The following ENTPD7 variants were observed in gnomAD, a reference collection of about 807,000 sequenced individuals.
ENTPD7 encodes ectonucleoside triphosphate diphosphohydrolase 7, also known as NTPDase 7.
Under a neutral mutation model 77.9 loss-of-function variants are expected in ENTPD7, and 53 were observed. The ratio of observed to expected loss-of-function variants is 0.68; its 90% CI spans 0.55 to 0.85. The LOEUF is 0.85. Ranked by LOEUF, ENTPD7 falls within the 40% of genes least tolerant of loss-of-function variation. ENTPD7 has a pLI of 0.00. For missense variants in ENTPD7, 636 were observed against 743.7 expected (o/e 0.86, Z 1.68); for synonymous variants, 248 against 274.9 (o/e 0.90, Z 0.97).
In ENTPD7 at chr10:99,709,228, ACT is replaced by A. The variant is rs1452288708; in HGVS notation, c.*4548_*4549del. 10 of 985,106 alleles carry A rather than the reference ACT, an allele frequency of 1.0e-5. No individual in the cohort carries two copies. In the African/African-American group the frequency reaches 1.6e-4, roughly 16 times the overall value. 61.0% of individuals were successfully genotyped at this position (985,106 alleles called of 1,614,324 possible). A position where few individuals can be genotyped will look rare whatever the true frequency, so the allele number is the denominator to read the frequency against. The stretch of plus-strand genomic sequence containing the variant: ...GTTGTAATTCTTGGGCAGTTTCCAG[ACT>A]CTGTTACAGAAACAGAGGGCTGTTT... On this transcript the variant is annotated 3_prime_UTR_variant, in exon 13 of 13. Coordinates refer to ENST00000370489, the MANE Select transcript of ENTPD7 (RefSeq NM_020354.5).
At chr10:99,673,309 A>C (rs1265021183) in intron 3 of ENTPD7, among the ~76,000 whole-genome samples, 1 of 152,184 alleles carries the variant, frequency 6.6e-6, no homozygotes, top group East Asian at 1.9e-4. Context: ...CATGGCTACA[A>C]ATTATATATG....
intron 8 of ENTPD7, among the ~76,000 whole-genome samples, chr10:99,694,765 G>A (rs1346178914): frequency 6.6e-6 from 1 of 152,050 alleles, no homozygotes; most frequent in Non-Finnish European, 1.5e-5. Context: ...TCGAACTCCT[G>A]GCCTCAAGTG....
intron 3 of ENTPD7, among the ~76,000 whole-genome samples, chr10:99,670,179 G>A (rs572579415): frequency 2.0e-5 from 3 of 152,022 alleles, no homozygotes; most frequent in South Asian, 4.2e-4. Context: ...AACAATTATC[G>A]AGTGTCTACA....
intron 3 of ENTPD7, among the ~76,000 whole-genome samples, chr10:99,673,968 A>G (rs567511716): frequency 4.9e-4 from 74 of 152,092 alleles, no homozygotes; most frequent in African/African-American, 1.7e-3. Context: ...AGGTAGAGCA[A>G]GCAAATATGA....
intron 9 of ENTPD7, chr10:99,697,559 G>T (rs189564354): frequency 2.3e-4 from 36 of 155,374 alleles, no homozygotes; most frequent in Admixed American, 1.9e-3. Context: ...GGCATATCTT[G>T]TGTAGCTGCC....
chr10:99,665,819 G>A (rs1302953605), intron 3 of ENTPD7, among the ~76,000 whole-genome samples: 1 of 152,128 alleles, frequency 6.6e-6, no homozygotes, highest in African/African-American at 2.4e-5. Context: ...GGGATTGCAG[G>A]CATGAGTACC....
At chr10:99,702,744 TTTC>T in intron 12 of ENTPD7, 71 bp downstream of exon 12, 7 of 1,419,354 alleles carry the variant, frequency 4.9e-6, no homozygotes, top group South Asian at 1.5e-5. Flanking sequence ...AATCGGTTTC[TTTC>T]TTTTTTTTTT....
chr10:99,702,980 T>C (rs1385016108), intron 12 of ENTPD7, among the ~76,000 whole-genome samples: 1 of 152,188 alleles, frequency 6.6e-6, no homozygotes, highest in Non-Finnish European at 1.5e-5. Flanking sequence ...ACTAATCACT[T>C]CCAAGATACT....
At chr10:99,666,884 CA>C (rs2133441846) in intron 3 of ENTPD7, among the ~76,000 whole-genome samples, 1 of 152,314 alleles carries the variant, frequency 6.6e-6, no homozygotes, top group South Asian at 2.1e-4. Context: ...GAATGTGCAT[CA>C]CTTTTGCACC....
chr10:99,701,785 C>T (rs2133518920), intron 11 of ENTPD7, among the ~76,000 whole-genome samples: 1 of 151,992 alleles, frequency 6.6e-6, no homozygotes, highest in East Asian at 1.9e-4. Context: ...TGGTGGCTCA[C>T]ACCTGTAATC....
chr10:99,665,463 G>A (rs769998615), intron 3 of ENTPD7, among the ~76,000 whole-genome samples: 1 of 151,994 alleles, frequency 6.6e-6, no homozygotes, highest in African/African-American at 2.4e-5. Flanking sequence ...TTTATTTCTG[G>A]ATTCTGTCCC....
chr10:99,666,928 T>C (rs574956711), intron 3 of ENTPD7, among the ~76,000 whole-genome samples: 1 of 152,336 alleles, frequency 6.6e-6, no homozygotes, highest in South Asian at 2.1e-4. Context: ...AGTTGTACCA[T>C]TGTAAGTCAA....
intron 3 of ENTPD7, among the ~76,000 whole-genome samples, chr10:99,666,251 A>G (rs1362100110): frequency 6.6e-6 from 1 of 151,798 alleles, no homozygotes; most frequent in Non-Finnish European, 1.5e-5. Flanking sequence ...TCTGTCACCC[A>G]GGCCGGAGTG....
At chr10:99,703,767 G>A (rs2036191317) in intron 12 of ENTPD7, among the ~76,000 whole-genome samples, 1 of 152,096 alleles carries the variant, frequency 6.6e-6, no homozygotes, top group Non-Finnish European at 1.5e-5. Flanking sequence ...CCCAGGCTGA[G>A]TGTGGTGGCA....
chr10:99,661,044 A>G (rs1301722270), intron 2 of ENTPD7, among the ~76,000 whole-genome samples: 1 of 152,178 alleles, frequency 6.6e-6, no homozygotes, highest in African/African-American at 2.4e-5. Flanking sequence ...GTCTTTTACT[A>G]TGTGCTTGTA....
At chr10:99,702,462 A>C in intron 11 of ENTPD7, 50 bp from the exon 12 acceptor site, 1 of 1,461,136 alleles carries the variant, frequency 6.8e-7, no homozygotes, top group Non-Finnish European at 9.1e-7. Flanking sequence ...AAAGGAAAGT[A>C]TTAGAATTCT....
At position 99,709,235 on chromosome 10, in the gene ENTPD7, T is replaced by G. The variant is rs2036311726; in HGVS notation, c.*4552T>G. On this transcript the variant is annotated 3_prime_UTR_variant, in exon 13 of 13. Transcript: ENST00000370489. ...TTCTTGGGCAGTTTCCAGACTCTGT[T>G]ACAGAAACAGAGGGCTGTTTCTTTT... 1 of 985,404 alleles carries G rather than the reference T, an allele frequency of 1.0e-6. No individual in the cohort carries two copies. The highest frequency in any genetic ancestry group is 1.2e-6 in the Non-Finnish European group (1 of 829,894). 61.0% of individuals were successfully genotyped at this position (985,404 alleles called of 1,614,324 possible).
At position 99,710,374 on chromosome 10, in the gene ENTPD7, T is replaced by C. The variant is rs1242816436; in HGVS notation, c.*5691T>C. 1 of 985,346 alleles carries C rather than the reference T, an allele frequency of 1.0e-6. No individual in the cohort carries two copies. Among genetic ancestry groups the C allele is most frequent in the African/African-American group, 1.7e-5 (1 of 57,254 alleles). The allele number at this position is 985,346 out of a possible 1,614,324, so 61.0% of individuals were successfully genotyped here. On this transcript the variant is annotated 3_prime_UTR_variant, in exon 13 of 13. Transcript: ENST00000370489. ...AGTTGAAGTCCTGAAGTACATGCCA[T>C]GTACTCCCCCTTTATTTCTACCTTG... is the stretch of plus-strand genomic sequence containing the variant.
intron 3 of ENTPD7, among the ~76,000 whole-genome samples, chr10:99,663,741 A>G (rs932072560): frequency 4.6e-5 from 7 of 152,054 alleles, no homozygotes; most frequent in African/African-American, 1.7e-4. Flanking sequence ...GATTACTGGC[A>G]TGGGTCACCG....
Sources: gnomAD v4.1 joint callset for allele counts (sites outside exome capture counted in the v4.1 genomes callset) on GRCh38, gnomAD v4.1.1 for gene constraint, MANE v1.5 for transcripts, NCBI Gene and HGNC (gene_info 2026-07-23, HGNC 2026-07-21) for gene names.